Variants in ARHGAP39 observed in about 807,000 individuals in gnomAD.
The protein encoded by ARHGAP39 is rho GTPase-activating protein 39.
ARHGAP39 carries 44 observed loss-of-function variants against 106.9 expected under a neutral mutation model. The observed-to-expected ratio is 0.41, with a 90% CI of 0.32 to 0.53. ARHGAP39 has a LOEUF of 0.53. Ranked by LOEUF, ARHGAP39 falls within the 20% of genes least tolerant of loss-of-function variation. ARHGAP39 has a pLI of 0.21. For missense variants in ARHGAP39, 1,496 were observed against 1,577.3 expected (o/e 0.95, Z 0.87); for synonymous variants, 768 against 693.2 (o/e 1.11, Z -1.69).
At chr8:144,672,438 T>C (rs991973392) in intron 1 of ARHGAP39, among the ~76,000 whole-genome samples, 1 of 152,160 alleles carries the variant, frequency 6.6e-6, no homozygotes, top group Non-Finnish European at 1.5e-5. Flanking sequence ...TAGTTTAAAG[T>C]AATAATCAAG....
rs1011061220 is a variant in ARHGAP39, at chr8:144,580,935, C to T, written c.423G>A (p.Glu141=). ...SREGSTSSSL[E]PEPDTEKAQE... Reference sequence around the variant, plus strand: ...GCGCTTTCTCAGTGTCGGGCTCGGGCTCCAGGGAGGAGCTGGTGCTGCCCT... The same window carrying T: ...GCGCTTTCTCAGTGTCGGGCTCGGGTTCCAGGGAGGAGCTGGTGCTGCCCT... The change falls in exon 3 of 12, where the codon GAG becomes GAA. Residue 141 remains glutamate, a synonymous_variant. Transcript: ENST00000377307. The T allele has an allele frequency of 1.2e-6, 2 of 1,605,740 alleles. No individual in the cohort carries two copies. The highest frequency in any genetic ancestry group is 2.2e-5 in the East Asian group (1 of 44,752).
chr8:144,534,541 G>T (rs1816876635), intron 7 of ARHGAP39, among the ~76,000 whole-genome samples: 1 of 152,232 alleles, frequency 6.6e-6, no homozygotes, highest in East Asian at 1.9e-4. Flanking sequence ...CTGACCCAGG[G>T]AGCTGTCCAG....
At chr8:144,643,669 C>G (rs1586633645) in intron 1 of ARHGAP39, among the ~76,000 whole-genome samples, 1 of 152,128 alleles carries the variant, frequency 6.6e-6, no homozygotes, top group African/African-American at 2.4e-5. Context: ...AGACACTAAA[C>G]TGAATCCAGA....
chr8:144,530,260 C>G lies in ARHGAP39; in HGVS notation c.*162G>C. 1 of 778,316 alleles carries G rather than the reference C, an allele frequency of 1.3e-6. No individual in the cohort carries two copies. Among genetic ancestry groups the G allele is most frequent in the East Asian group, 2.7e-5 (1 of 36,678 alleles). 48.2% of individuals were successfully genotyped at this position (778,316 alleles called of 1,614,324 possible). ...GCTGTGCCCTGGCTGCACCCTCAGACCAGGCAGAAGACGTGGGGAGCGCCG... is the reference window on the plus strand; with the variant it reads ...GCTGTGCCCTGGCTGCACCCTCAGAGCAGGCAGAAGACGTGGGGAGCGCCG... On this transcript the variant is annotated 3_prime_UTR_variant, in exon 12 of 12. Transcript: ENST00000377307.
At chr8:144,601,359 C>A (rs577682331) in intron 2 of ARHGAP39, among the ~76,000 whole-genome samples, 2 of 117,416 alleles carry the variant, frequency 1.7e-5, no homozygotes, top group East Asian at 5.5e-4. Context: ...TGTGCGTGTG[C>A]GAGCTCATGT....
intron 1 of ARHGAP39, among the ~76,000 whole-genome samples, chr8:144,667,445 C>T (rs1241253259): frequency 6.6e-6 from 1 of 152,174 alleles, no homozygotes; most frequent in Non-Finnish European, 1.5e-5. Context: ...CTGACACCTA[C>T]CAACTACTGC....
intron 1 of ARHGAP39, among the ~76,000 whole-genome samples, chr8:144,683,825 T>G (rs143326697): frequency 6.6e-6 from 1 of 152,142 alleles, no homozygotes; most frequent in Admixed American, 6.5e-5. Flanking sequence ...TTACATTACA[T>G]TGGCAGTGCT....
intron 2 of ARHGAP39, among the ~76,000 whole-genome samples, chr8:144,600,236 G>A (rs1471615613): frequency 2.8e-5 from 4 of 143,276 alleles, no homozygotes; most frequent in East Asian, 2.2e-4. Context: ...GCAAGCTCGT[G>A]TACCTACCTG....
At chr8:144,608,737 T>C (rs1820384217) in intron 1 of ARHGAP39, among the ~76,000 whole-genome samples, 1 of 152,204 alleles carries the variant, frequency 6.6e-6, no homozygotes. Context: ...GAGCAAAACA[T>C]CTCTCTCTAG....
intron 1 of ARHGAP39, among the ~76,000 whole-genome samples, chr8:144,664,757 C>A (rs1189049274): frequency 6.6e-6 from 1 of 152,222 alleles, no homozygotes; most frequent in Non-Finnish European, 1.5e-5. Flanking sequence ...GTAAGAAGTG[C>A]CTTTCACCAC....
chr8:144,663,951 G>A (rs1459433404), intron 1 of ARHGAP39, among the ~76,000 whole-genome samples: 1 of 152,178 alleles, frequency 6.6e-6, no homozygotes, highest in Non-Finnish European at 1.5e-5. Context: ...CGGATCACTT[G>A]AGGCCAGGAG....
rs968685197 is a variant in ARHGAP39 at position 144,620,663 on chromosome 8, T to A, written c.-81-14968A>T. On this transcript the variant is annotated intron_variant, in intron 1 of 11. Coordinates refer to ENST00000377307, the MANE Select transcript of ARHGAP39 (RefSeq NM_025251.3). ...AGCCCTGCCATCTGCCGAGTTTGCA[T>A]CCCTTGCAAGAGTGATGGCTCCAAA... 2.6e-5 allele frequency among the ~76,000 whole-genome samples: 4 copies of A among 151,738 alleles called. No homozygotes were observed. The East Asian group carries it at 7.7e-4, about 29-fold the overall frequency.
At chr8:144,660,350 C>T (rs539638259) in intron 1 of ARHGAP39, among the ~76,000 whole-genome samples, 3 of 152,170 alleles carry the variant, frequency 2.0e-5, no homozygotes, top group Non-Finnish European at 4.4e-5. Flanking sequence ...CCATCTCACC[C>T]CTACTACCAT....
chr8:144,667,782 G>T (rs140993093), intron 1 of ARHGAP39, among the ~76,000 whole-genome samples: 1 of 152,184 alleles, frequency 6.6e-6, no homozygotes, highest in Non-Finnish European at 1.5e-5. Flanking sequence ...AGGACCAAGA[G>T]CACCCACTGC....
At chr8:144,570,227 C>T (rs755285263) in intron 3 of ARHGAP39, among the ~76,000 whole-genome samples, 6 of 152,096 alleles carry the variant, frequency 3.9e-5, no homozygotes, top group Non-Finnish European at 7.4e-5. Context: ...GTCTCAAAAA[C>T]AAACAAACAA....
intron 3 of ARHGAP39, among the ~76,000 whole-genome samples, chr8:144,570,804 G>T (rs1818560396): frequency 6.6e-6 from 1 of 152,030 alleles, no homozygotes; most frequent in Admixed American, 6.6e-5. Flanking sequence ...GGAGATACCA[G>T]CACCGATCCC....
chr8:144,652,197 C>T (rs1410159807), intron 1 of ARHGAP39, among the ~76,000 whole-genome samples: 11 of 151,460 alleles, frequency 7.3e-5, no homozygotes, highest in South Asian at 4.2e-4. Context: ...CCAGCCTGGG[C>T]GACAGTGCAA....
Position 144,547,109 on chromosome 8 carries a change from C to G in ARHGAP39, c.1959+18G>C. The G allele has an allele frequency of 1.3e-6, 2 of 1,558,564 alleles. No homozygotes were observed. The highest frequency in any genetic ancestry group is 1.7e-6 in the Non-Finnish European group (2 of 1,152,546). On this transcript the variant is annotated intron_variant, in intron 5 of 11. Transcript: ENST00000377307. This position sits in a 1 kb window ranked among gnomAD's most constrained non-coding sequence, Gnocchi z 5.2. ...GGCCCCAGGCTCTCAAGCTCAGCCG[C>G]GCCCATTGGGCCCTCACCTGTGAGG...
chr8:144,530,321 G>T lies in ARHGAP39; in HGVS notation c.*101C>A. 1 of 1,325,158 alleles carries T rather than the reference G, an allele frequency of 7.5e-7. No homozygotes were observed. The highest frequency in any genetic ancestry group is 1.5e-5 in the African/African-American group (1 of 68,738). The allele number at this position is 1,325,158 out of a possible 1,614,324, so 82.1% of individuals were successfully genotyped here. A position where few individuals can be genotyped will look rare whatever the true frequency, so the allele number is the denominator to read the frequency against. ...CCTGGGGGAGTGGAGGGGGCTCCAG[G>T]GCTGGGCCGGGCGATTCTGGCCCCT... On this transcript the variant is annotated 3_prime_UTR_variant, in exon 12 of 12. Transcript: ENST00000377307.
Sources: allele counts gnomAD v4.1 joint callset (sites outside exome capture counted in the v4.1 genomes callset), GRCh38; gene constraint gnomAD v4.1.1; non-coding constraint Gnocchi (gnomAD v3.1); transcripts MANE v1.5; gene names NCBI Gene and HGNC (gene_info 2026-07-23, HGNC 2026-07-21).